CAST: variants seen among roughly 807,000 people sequenced by gnomAD.
CAST encodes the protein calpastatin, also known as MIR583 host.
CAST carries 76 observed loss-of-function variants against 119.6 expected under a neutral mutation model. That is an observed-to-expected ratio of 0.64 (90% confidence interval 0.53 to 0.77). The LOEUF is 0.77. CAST is among the 30% of genes least tolerant of loss of function. The pLI, the probability that CAST is intolerant of heterozygous loss-of-function variation, is 0.00. For missense variants in CAST, 953 were observed against 946.5 expected (o/e 1.01, Z -0.09); for synonymous variants, 319 against 331.6 (o/e 0.96, Z 0.41).
At chr5:96,220,777 T>C in the CAST span, among the ~76,000 whole-genome samples, 2 of 152,240 alleles carry the variant, frequency 1.3e-5, no homozygotes, top group African/African-American at 4.8e-5. Flanking sequence ...TTAGTGAGAC[T>C]ACCTGACATC....
chr5:96,746,302 A>C (rs771021729), intron 16 of CAST, 40 bp from the exon 17 acceptor site: 1 of 1,109,956 alleles, frequency 9.0e-7, no homozygotes, highest in South Asian at 1.2e-5. Flanking sequence ...CATTATGTGC[A>C]TTATCCAACT....
the CAST span, among the ~76,000 whole-genome samples, chr5:96,354,510 C>T: frequency 1.3e-5 from 2 of 151,556 alleles, no homozygotes; most frequent in African/African-American, 2.4e-5. Context: ...CTATGATACA[C>T]CATGGGTTGA....
At chr5:96,400,174 G>C in the CAST span, 3 of 1,613,686 alleles carry the variant, frequency 1.9e-6, no homozygotes, top group East Asian at 6.7e-5. Context: ...TATCTCGCCA[G>C]GTGAGATTTG....
the CAST span, among the ~76,000 whole-genome samples, chr5:96,117,423 A>AGT: frequency 2.0e-5 from 3 of 152,038 alleles, no homozygotes; most frequent in Non-Finnish European, 2.9e-5. Context: ...AGTATAAAAT[A>AGT]GTGTGTGTGT....
the CAST span, chr5:96,432,027 G>A: frequency 7.9e-7 from 1 of 1,263,408 alleles, no homozygotes; most frequent in Non-Finnish European, 1.1e-6. Flanking sequence ...TATCGACCAA[G>A]CCTTCACTTG....
At chr5:96,366,252 C>T in the CAST span, among the ~76,000 whole-genome samples, 19 of 152,246 alleles carry the variant, frequency 1.2e-4, no homozygotes, top group Admixed American at 2.0e-4. Flanking sequence ...TCTCTGGCTG[C>T]GCTTAACATT....
intron 1 of CAST, among the ~76,000 whole-genome samples, chr5:96,569,327 A>T (rs1307662489): frequency 6.6e-6 from 1 of 152,214 alleles, no homozygotes; most frequent in East Asian, 1.9e-4. Flanking sequence ...ATGAAAAGTC[A>T]AACTGACCTA....
At chr5:96,596,677 T>C (rs1430986696) in intron 1 of CAST, among the ~76,000 whole-genome samples, 1 of 152,202 alleles carries the variant, frequency 6.6e-6, no homozygotes, top group Non-Finnish European at 1.5e-5. Context: ...TCTGTGTTCA[T>C]GATGGAACAC....
intron 1 of CAST, among the ~76,000 whole-genome samples, chr5:96,620,014 AATTAC>A (rs1348430029): frequency 2.6e-5 from 4 of 152,238 alleles, no homozygotes; most frequent in Non-Finnish European, 4.4e-5. Flanking sequence ...CTCTCATGAA[AATTAC>A]ATTAGAGACA....
the CAST span, among the ~76,000 whole-genome samples, chr5:96,114,885 T>A: frequency 6.6e-6 from 1 of 152,154 alleles, no homozygotes; most frequent in Non-Finnish European, 1.5e-5. Flanking sequence ...AGTTTCTGAG[T>A]CAGTTTGGAT....
the CAST span, among the ~76,000 whole-genome samples, chr5:96,124,008 A>G: frequency 3.3e-5 from 5 of 152,224 alleles, 1 homozygote; most frequent in Admixed American, 2.6e-4. Context: ...GTTCTGTCAA[A>G]AAGATGGTCA....
Position 96,765,475 on chromosome 5 carries a change from A to G in CAST, c.2037+150A>G, listed in dbSNP as rs1488920852. On this transcript the variant is annotated intron_variant, in intron 26 of 31. Transcript: ENST00000675179. ...TAATGAAATAGAAAAATCAATCTGT[A>G]CTCCACTGGAGGGGAAGGTCACTGA... 6.9e-6 allele frequency: 4 copies of G among 579,010 alleles called. No homozygotes were observed. The African/African-American group carries it at 7.6e-5, about 11-fold the overall frequency. The allele number at this position is 579,010 out of a possible 1,614,324, so 35.9% of individuals were successfully genotyped here. A position where few individuals can be genotyped will look rare whatever the true frequency, so the allele number is the denominator to read the frequency against.
At chr5:96,730,335 T>G (rs1158479479) in intron 8 of CAST, among the ~76,000 whole-genome samples, 1 of 152,252 alleles carries the variant, frequency 6.6e-6, no homozygotes, top group Non-Finnish European at 1.5e-5. Flanking sequence ...ATCTACCACT[T>G]AAATGCCACA....
chr5:96,736,993 GGA>G (rs1317765108), intron 10 of CAST, among the ~76,000 whole-genome samples: 3 of 152,304 alleles, frequency 2.0e-5, no homozygotes, highest in South Asian at 2.1e-4. Flanking sequence ...CAAGGCAGCA[GGA>G]GAGAGAGCAT....
At chr5:96,557,682 C>T (rs528899922) in intron 1 of CAST, among the ~76,000 whole-genome samples, 4 of 152,190 alleles carry the variant, frequency 2.6e-5, no homozygotes, top group African/African-American at 9.7e-5. Context: ...GCACCCAATA[C>T]AGGAGCACCC....
chr5:96,285,912 T>A, the CAST span, among the ~76,000 whole-genome samples: 37 of 152,360 alleles, frequency 2.4e-4, no homozygotes, highest in African/African-American at 7.9e-4. Context: ...CAAACATTTA[T>A]GAATGTGCCT....
the CAST span, among the ~76,000 whole-genome samples, chr5:96,105,953 T>A: frequency 2.6e-5 from 4 of 152,342 alleles, no homozygotes; most frequent in South Asian, 2.1e-4. Flanking sequence ...TTCTTCCTGG[T>A]TTAGTCTTGG....
chr5:95,974,142 C>T, the CAST span, among the ~76,000 whole-genome samples: 1 of 152,176 alleles, frequency 6.6e-6, no homozygotes, highest in Admixed American at 6.5e-5. Flanking sequence ...ATCACTCTGA[C>T]CAAGCTGCCT....
the CAST span, among the ~76,000 whole-genome samples, chr5:96,260,401 T>A: frequency 1.3e-5 from 2 of 152,196 alleles, no homozygotes; most frequent in Non-Finnish European, 2.9e-5. Flanking sequence ...GATTTCAACA[T>A]CTTTGTCTGT....
Sources: allele counts gnomAD v4.1 joint callset (sites outside exome capture counted in the v4.1 genomes callset), GRCh38; gene constraint gnomAD v4.1.1; transcripts MANE v1.5; gene names NCBI Gene and HGNC (gene_info 2026-07-23, HGNC 2026-07-21).